Variants in SLC24A2 observed in about 807,000 individuals in gnomAD.
SLC24A2 encodes solute carrier family 24 member 2.
In SLC24A2, 36 loss-of-function variants were observed where a neutral mutation model predicts 62.0. That is an observed-to-expected ratio of 0.58 (90% confidence interval 0.44 to 0.77). The LOEUF (loss-of-function observed/expected upper bound fraction) is 0.77. Ranked by LOEUF, SLC24A2 falls within the 30% of genes least tolerant of loss-of-function variation. SLC24A2 has a pLI of 0.00. For synonymous variants in SLC24A2, 358 were observed against 294.0 expected (o/e 1.22, Z -2.23); for missense variants, 846 against 817.9 (o/e 1.03, Z -0.42).
the SLC24A2 span, among the ~76,000 whole-genome samples, chr9:20,163,190 T>C: frequency 1.3e-5 from 2 of 152,168 alleles, no homozygotes; most frequent in Non-Finnish European, 2.9e-5. Flanking sequence ...GAAGTCAAAT[T>C]GTCCCTGTTT....
At chr9:20,016,424 G>T in the SLC24A2 span, among the ~76,000 whole-genome samples, 1 of 152,126 alleles carries the variant, frequency 6.6e-6, no homozygotes, top group African/African-American at 2.4e-5. Flanking sequence ...AACTGCATTG[G>T]TAAAATGTTC....
intron 2 of SLC24A2, among the ~76,000 whole-genome samples, chr9:19,764,244 T>C (rs887720396): frequency 6.6e-6 from 1 of 152,210 alleles, no homozygotes; most frequent in Non-Finnish European, 1.5e-5. Context: ...TCTACTTTGT[T>C]AATCTTTGCA....
chr9:20,228,365 G>C, the SLC24A2 span, among the ~76,000 whole-genome samples: 3 of 151,962 alleles, frequency 2.0e-5, no homozygotes, highest in African/African-American at 4.8e-5. Context: ...TCTGAGTTGG[G>C]GGTCACAGAC....
At chr9:19,553,265 C>G (rs1440230916) in intron 7 of SLC24A2, among the ~76,000 whole-genome samples, 1 of 152,174 alleles carries the variant, frequency 6.6e-6, no homozygotes, top group Non-Finnish European at 1.5e-5. Context: ...ACTGGATGCT[C>G]CAGGGGAGAG....
the SLC24A2 span, among the ~76,000 whole-genome samples, chr9:20,198,127 T>C: frequency 5.9e-5 from 9 of 152,210 alleles, no homozygotes; most frequent in African/African-American, 1.7e-4. Flanking sequence ...TCCCCAGGGA[T>C]TGAGGGGGTG....
chr9:20,002,383 T>TC, the SLC24A2 span, among the ~76,000 whole-genome samples: 4 of 150,136 alleles, frequency 2.7e-5, no homozygotes, highest in South Asian at 8.4e-4. Flanking sequence ...TTTTTTTTTT[T>TC]CAGTAACAAT....
At chr9:20,147,062 G>A in the SLC24A2 span, among the ~76,000 whole-genome samples, 1 of 152,122 alleles carries the variant, frequency 6.6e-6, no homozygotes, top group Non-Finnish European at 1.5e-5. Context: ...AGCTTTCCAA[G>A]TTTCAAGGAT....
At chr9:19,714,927 G>A (rs957437849) in intron 2 of SLC24A2, among the ~76,000 whole-genome samples, 1 of 152,066 alleles carries the variant, frequency 6.6e-6, no homozygotes, top group Non-Finnish European at 1.5e-5. Context: ...GGGGTGGGGT[G>A]GAGAGGAAGC....
the SLC24A2 span, among the ~76,000 whole-genome samples, chr9:20,055,060 CA>C: frequency 9.7e-4 from 147 of 151,982 alleles, no homozygotes; most frequent in African/African-American, 3.4e-3. Context: ...ATATGACAAG[CA>C]AAAAAAGGAG....
At chr9:19,924,502 C>T in the SLC24A2 span, among the ~76,000 whole-genome samples, 1 of 152,144 alleles carries the variant, frequency 6.6e-6, no homozygotes, top group African/African-American at 2.4e-5. Context: ...CTGATCTAGT[C>T]AGCTGTGTCC....
chr9:19,923,726 A>G, the SLC24A2 span, among the ~76,000 whole-genome samples: 1 of 152,222 alleles, frequency 6.6e-6, no homozygotes, highest in Non-Finnish European at 1.5e-5. Flanking sequence ...AAATAAATAG[A>G]TAGTTGGATC....
chr9:20,029,173 GC>G, the SLC24A2 span, among the ~76,000 whole-genome samples: 1 of 152,156 alleles, frequency 6.6e-6, no homozygotes, highest in Non-Finnish European at 1.5e-5. Context: ...AGGCAAAGGG[GC>G]CAAACCAGCA....
the SLC24A2 span, among the ~76,000 whole-genome samples, chr9:20,285,727 G>T: frequency 6.6e-6 from 1 of 152,140 alleles, no homozygotes; most frequent in South Asian, 2.1e-4. Context: ...ACTATCACAA[G>T]AAAAGTAAGG....
chr9:19,897,469 C>T, the SLC24A2 span, among the ~76,000 whole-genome samples: 3 of 151,892 alleles, frequency 2.0e-5, no homozygotes, highest in South Asian at 2.1e-4. Context: ...AGAGCAATCA[C>T]AATTATAGAT....
the SLC24A2 span, among the ~76,000 whole-genome samples, chr9:20,284,700 TAG>T: frequency 6.6e-6 from 1 of 152,112 alleles, no homozygotes; most frequent in Non-Finnish European, 1.5e-5. Context: ...GTTTCACAAG[TAG>T]AGAACCAAGC....
intron 2 of SLC24A2, among the ~76,000 whole-genome samples, chr9:19,647,453 T>C (rs1286457507): frequency 1.3e-5 from 2 of 152,102 alleles, no homozygotes; most frequent in Non-Finnish European, 2.9e-5. Flanking sequence ...ATGAGAAACA[T>C]GTGGACATCC....
intron 2 of SLC24A2, among the ~76,000 whole-genome samples, chr9:19,659,722 G>T (rs113962773): frequency 5.2e-4 from 79 of 152,276 alleles, no homozygotes; most frequent in African/African-American, 1.8e-3. Context: ...GTGGGTCTGT[G>T]TTAACTGGCA....
At chr9:19,963,090 C>A in the SLC24A2 span, among the ~76,000 whole-genome samples, 1 of 151,846 alleles carries the variant, frequency 6.6e-6, no homozygotes, top group African/African-American at 2.4e-5. Context: ...TGATCTTTGA[C>A]AAACCTGACA....
At chr9:19,969,323 G>C in the SLC24A2 span, among the ~76,000 whole-genome samples, 1 of 151,550 alleles carries the variant, frequency 6.6e-6, no homozygotes, top group Non-Finnish European at 1.5e-5. Flanking sequence ...CTAAACTTCA[G>C]AACTTGGCTC....
Sources: gnomAD v4.1 joint callset for allele counts (sites outside exome capture counted in the v4.1 genomes callset) on GRCh38, gnomAD v4.1.1 for gene constraint, MANE v1.5 for transcripts, NCBI Gene and HGNC (gene_info 2026-07-23, HGNC 2026-07-21) for gene names.